The following SEC24A variants were observed in gnomAD, a reference collection of about 807,000 sequenced individuals.
The protein encoded by SEC24A is SEC24 homolog A, COPII component, also known as protein transport protein Sec24A.
A neutral mutation model predicts 129.4 loss-of-function variants in SEC24A; 93 were observed. That is an observed-to-expected ratio of 0.72 (90% confidence interval 0.61 to 0.85). SEC24A has a LOEUF of 0.85. Ranked by LOEUF, SEC24A falls within the 40% of genes least tolerant of loss-of-function variation. SEC24A has a pLI of 0.00. For synonymous variants in SEC24A, 460 were observed against 467.3 expected (o/e 0.98, Z 0.20); for missense variants, 1,264 against 1,307.4 (o/e 0.97, Z 0.51).
intron 4 of SEC24A, among the ~76,000 whole-genome samples, chr5:134,672,116 C>G (rs1229910139): frequency 1.3e-5 from 2 of 152,096 alleles, no homozygotes; most frequent in Admixed American, 6.6e-5. Flanking sequence ...CTCCTGGGCT[C>G]AAGCAGTCCT....
intron 7 of SEC24A, among the ~76,000 whole-genome samples, chr5:134,678,648 T>C (rs1445865363): frequency 6.6e-6 from 1 of 151,860 alleles, no homozygotes; most frequent in African/African-American, 2.4e-5. Context: ...TGGTGTAATC[T>C]TGGCTCACTG....
In SEC24A at chr5:134,702,449, C is replaced by T. The variant is rs75293775; in HGVS notation, c.2267-1310C>T. Among the ~76,000 whole-genome samples, 1,020 of 152,198 alleles carry T rather than the reference C, an allele frequency of 6.7e-3. 6 individuals carry two copies. The highest frequency in any genetic ancestry group is 0.019 in the South Asian group (90 of 4,822). On this transcript the variant is annotated intron_variant, in intron 15 of 22. Transcript: ENST00000398844. ...TCCTGTATCAGCTTGCATGTGTATG[C>T]GACACATACACTTTCACTTCATTTT...
chr5:134,710,365 G>A (rs1328879009), intron 18 of SEC24A, among the ~76,000 whole-genome samples: 5 of 151,898 alleles, frequency 3.3e-5, no homozygotes, highest in Non-Finnish European at 4.4e-5. Flanking sequence ...CTGAGTAGCT[G>A]CGATTATAGG....
chr5:134,682,588 C>T, intron 9 of SEC24A, 106 bp downstream of exon 9: 1 of 589,116 alleles, frequency 1.7e-6, no homozygotes, highest in Admixed American at 3.1e-5. Context: ...TATTTTGAGA[C>T]AGAGTTTCAC....
At chr5:134,693,169 T>A in intron 12 of SEC24A, 1 of 1,534,130 alleles carries the variant, frequency 6.5e-7, no homozygotes. Flanking sequence ...GCCGTAGGGG[T>A]AACATTTTAA....
At chr5:134,685,375 A>T (rs114206028) in intron 9 of SEC24A, among the ~76,000 whole-genome samples, 3,407 of 148,836 alleles carry the variant, frequency 0.023, 144 homozygotes, top group African/African-American at 0.078. Flanking sequence ...CTAAAAAAAA[A>T]AAAATAATAA....
At chr5:134,667,319 T>G (rs1750695058) in intron 3 of SEC24A, among the ~76,000 whole-genome samples, 1 of 151,804 alleles carries the variant, frequency 6.6e-6, no homozygotes, top group Non-Finnish European at 1.5e-5. Flanking sequence ...GTTAGAATGT[T>G]AGGAATATCC....
At chr5:134,711,722 G>A (rs992997688) in intron 18 of SEC24A, among the ~76,000 whole-genome samples, 2 of 150,384 alleles carry the variant, frequency 1.3e-5, no homozygotes, top group Non-Finnish European at 3.0e-5. Flanking sequence ...GTAGAGACGG[G>A]GTTTCACCAT....
In SEC24A at chr5:134,674,789, G is replaced by A; in HGVS notation, c.978+14G>A. 1.9e-6 allele frequency: 3 copies of A among 1,608,624 alleles called. No individual in the cohort carries two copies. Among genetic ancestry groups the A allele is most frequent in the Non-Finnish European group, 2.5e-6 (3 of 1,177,570 alleles). ...GCCTTTACTCAGGTAAACTTTTTGGGATTTTCTTTAACCTATTTCTCCATT... is the reference window on the plus strand; with the variant it reads ...GCCTTTACTCAGGTAAACTTTTTGGAATTTTCTTTAACCTATTTCTCCATT... On this transcript the variant is annotated intron_variant, in intron 5 of 22. Transcript: ENST00000398844.
At chr5:134,717,829 C>T (rs1368636630) in intron 19 of SEC24A, among the ~76,000 whole-genome samples, 2 of 152,004 alleles carry the variant, frequency 1.3e-5, no homozygotes, top group African/African-American at 2.4e-5. Context: ...GCAGGAGAAT[C>T]GCTTGAACCC....
At chr5:134,715,856 A>C (rs1752462538) in intron 19 of SEC24A, among the ~76,000 whole-genome samples, 1 of 151,688 alleles carries the variant, frequency 6.6e-6, no homozygotes, top group Non-Finnish European at 1.5e-5. Context: ...AGTATTAAAA[A>C]AAAAAAAAAA....
intron 2 of SEC24A, among the ~76,000 whole-genome samples, chr5:134,665,386 C>A (rs934403339): frequency 1.4e-5 from 2 of 147,812 alleles, no homozygotes; most frequent in African/African-American, 2.5e-5. Flanking sequence ...ACCCAGGAGG[C>A]GGAGGTTGCA....
intron 2 of SEC24A, among the ~76,000 whole-genome samples, chr5:134,663,357 C>G (rs1279087931): frequency 6.6e-6 from 1 of 152,178 alleles, no homozygotes; most frequent in Admixed American, 6.6e-5. Context: ...TCAAGCCATC[C>G]TGCTGCCTGG....
At position 134,675,108 on chromosome 5, in the gene SEC24A, C is replaced by G. The variant is rs374270841; in HGVS notation, c.1042C>G (p.Leu348Val). The G allele has an allele frequency of 1.9e-5, 30 of 1,613,498 alleles. No homozygotes were observed. Among genetic ancestry groups the G allele is most frequent in the Non-Finnish European group, 2.4e-5 (28 of 1,179,656 alleles). ...TGGATTAAGTCTACAACCAGAGGGT[C>G]TAAGAGTTGTCAATCTTCTTCAAGA... The part of the protein sequence containing the change: ...MSGLSLQPEG[L>V]RVVNLLQERN... Residue 348 changes from leucine (L) to valine (V), a missense_variant, in exon 6 of 23, where the codon CTA (leucine) becomes GTA (valine). Leu to Val is a conservative substitution (Grantham distance 32). Transcript: ENST00000398844.
Position 134,692,652 on chromosome 5 carries a change from A to C in SEC24A, c.1774A>C (p.Lys592Gln), listed in dbSNP as rs990570533. 7.0e-7 allele frequency: 1 copy of C among 1,424,760 alleles called. No individual in the cohort carries two copies. The highest frequency in any genetic ancestry group is 9.9e-7 in the Non-Finnish European group (1 of 1,011,190). The allele number at this position is 1,424,760 out of a possible 1,614,324, so 88.3% of individuals were successfully genotyped here. A position where few individuals can be genotyped will look rare whatever the true frequency, so the allele number is the denominator to read the frequency against. The change falls in exon 12 of 23, where the codon AAA (lysine) becomes CAA (glutamine). Residue 592 changes from lysine (K) to glutamine (Q), a missense_variant. Physicochemically the swap from Lys to Gln is moderately conservative, Grantham distance 53. Coordinates refer to ENST00000398844, the MANE Select transcript of SEC24A (RefSeq NM_021982.3). The stretch of plus-strand genomic sequence containing the variant: ...CTTATTAGTAAACTTAAATGAAAGT[A>C]AAGAGGTAAGGCACATTTTCCTACC... Reference protein sequence around the residue: ...ENLLVNLNESKELVQDLLKTL... With the variant: ...ENLLVNLNESQELVQDLLKTL...
At chr5:134,664,414 A>G (rs1250497612) in intron 2 of SEC24A, among the ~76,000 whole-genome samples, 1 of 152,168 alleles carries the variant, frequency 6.6e-6, no homozygotes, top group East Asian at 1.9e-4. Context: ...GCAGACTCTG[A>G]AACTCTAGCT....
Position 134,727,845 on chromosome 5 carries a change from C to T in SEC24A, c.*2751C>T, listed in dbSNP as rs1388152648. The T allele has an allele frequency of 1.3e-5, 2 of 151,950 alleles. No homozygotes were observed. The highest frequency in any genetic ancestry group is 4.8e-5 in the African/African-American group (2 of 41,274). The allele number at this position is 151,950 out of a possible 1,614,324, so 9.4% of individuals were successfully genotyped here. On this transcript the variant is annotated 3_prime_UTR_variant, in exon 23 of 23. Coordinates refer to ENST00000398844, the MANE Select transcript of SEC24A (RefSeq NM_021982.3). Reference sequence around the variant, plus strand: ...AAAAGTCATTTGTAACCCATGCAGACCATTGTTTGATCTATGCTAACTTAT... The same window carrying T: ...AAAAGTCATTTGTAACCCATGCAGATCATTGTTTGATCTATGCTAACTTAT...
intron 18 of SEC24A, among the ~76,000 whole-genome samples, chr5:134,710,297 C>T (rs1045072299): frequency 3.3e-5 from 5 of 151,700 alleles, no homozygotes; most frequent in Non-Finnish European, 5.9e-5. Context: ...CCACAACCTC[C>T]GCCTCCTGGG....
chr5:134,659,106 C>T (rs936241617), intron 1 of SEC24A, among the ~76,000 whole-genome samples: 2 of 146,234 alleles, frequency 1.4e-5, no homozygotes, highest in African/African-American at 5.0e-5. Context: ...GAATCTTGCT[C>T]TGTCACCCAG....
Sources: allele counts gnomAD v4.1 joint callset (sites outside exome capture counted in the v4.1 genomes callset), GRCh38; gene constraint gnomAD v4.1.1; transcripts MANE v1.5; gene names NCBI Gene and HGNC (gene_info 2026-07-23, HGNC 2026-07-21).